Variants in TOM1 observed in about 807,000 individuals in gnomAD.
TOM1 encodes the protein target of myb1 membrane trafficking protein, also known as target of Myb protein 1.
TOM1 carries 38 observed loss-of-function variants against 61.3 expected under a neutral mutation model. That is an observed-to-expected ratio of 0.62 (90% CI 0.48 to 0.81). TOM1 has a LOEUF of 0.81. Ranked by LOEUF, TOM1 falls within the 40% of genes least tolerant of loss-of-function variation. The pLI is 0.00. For synonymous variants in TOM1, 270 were observed against 268.8 expected (o/e 1.00, Z -0.04); for missense variants, 591 against 659.6 (o/e 0.90, Z 1.14).
chr22:35,347,192 A>T lies in TOM1; in HGVS notation c.1462A>T (p.Met488Leu). The T allele has an allele frequency of 6.2e-7, 1 of 1,611,118 alleles. No individual in the cohort carries two copies. The highest frequency in any genetic ancestry group is 1.7e-5 in the Admixed American group (1 of 59,444). The change falls in exon 15 of 15, where the codon ATG becomes TTG. Residue 488 changes from methionine (M) to leucine (L), a missense_variant. By Grantham distance (15) the Met-to-Leu change is conservative (BLOSUM62 2). Transcript: ENST00000449058. ...RKKTQEKDDDMLFAL is the reference protein window; with the variant it reads ...RKKTQEKDDDLLFAL ...GAAGACCCAGGAGAAAGATGATGAC[A>T]TGCTGTTTGCCTTATGAGTGTGGGG...
chr22:35,323,199 G>A lies in TOM1; in HGVS notation c.366+22G>A, dbSNP rs779477487. ...CCAGGTGAGTGCCAGGACAGGGCAG[G>A]GCACGGCCAGGAAGAGCTGTCAGTG... is the stretch of plus-strand genomic sequence containing the variant. On this transcript the variant is annotated intron_variant, in intron 4 of 14. Transcript: ENST00000449058. The surrounding 1 kb of genome is among the most constrained non-coding windows in gnomAD (Gnocchi z 4.2). 5 of 1,611,484 alleles carry A rather than the reference G, an allele frequency of 3.1e-6. No homozygotes were observed. In the African/African-American group the frequency reaches 4.0e-5, roughly 13 times the overall value.
intron 1 of TOM1, among the ~76,000 whole-genome samples, chr22:35,307,545 C>A (rs1354150096): frequency 6.6e-6 from 1 of 152,174 alleles, no homozygotes; most frequent in Admixed American, 6.5e-5. Context: ...CCGGCTGTGT[C>A]CCCCAGGTCT....
chr22:35,321,180 T>C (rs1327877440), intron 2 of TOM1, among the ~76,000 whole-genome samples: 4 of 151,754 alleles, frequency 2.6e-5, no homozygotes, highest in Non-Finnish European at 5.9e-5. Context: ...CAAGACCCCA[T>C]CTCTATTTTT....
chr22:35,343,371 TCC>T (rs1930141045), intron 12 of TOM1, among the ~76,000 whole-genome samples: 2 of 54,678 alleles, frequency 3.7e-5, no homozygotes, highest in African/African-American at 7.4e-5. Flanking sequence ...ACCACACACC[TCC>T]ACACACACCT....
chr22:35,323,120 C>A lies in TOM1; in HGVS notation c.309C>A (p.Ile103=). 3.1e-6 allele frequency: 5 copies of A among 1,614,188 alleles called. No homozygotes were observed. Among genetic ancestry groups the A allele is most frequent in the Non-Finnish European group, 8.5e-7 (1 of 1,180,042 alleles). ...DFVESVLVRT[I]LPKNNPPTIV... ...TGGAGAGTGTGCTGGTGAGGACCAT[C>A]CTGCCCAAGAACAACCCACCCACCA... The change falls in exon 4 of 15, where the codon ATC becomes ATA. Residue 103 remains isoleucine (I), a synonymous_variant. Transcript: ENST00000449058. This position sits in a 1 kb window ranked among gnomAD's most constrained non-coding sequence, Gnocchi z 4.2.
At chr22:35,342,094 C>T (rs1223477464) in intron 12 of TOM1, among the ~76,000 whole-genome samples, 9 of 152,050 alleles carry the variant, frequency 5.9e-5, no homozygotes. Flanking sequence ...TGAGCTATGA[C>T]TGTACCACTG....
intron 12 of TOM1, among the ~76,000 whole-genome samples, chr22:35,343,316 A>C (rs1930116830): frequency 6.9e-6 from 1 of 144,708 alleles, no homozygotes; most frequent in African/African-American, 2.6e-5. Flanking sequence ...CTACACACCC[A>C]TACACCTACA....
In TOM1 at chr22:35,347,056, AT is replaced by A; in HGVS notation, c.1329del (p.Phe443LeufsTer110). The A allele has an allele frequency of 1.9e-6, 3 of 1,611,848 alleles. No individual in the cohort carries two copies. Among genetic ancestry groups the A allele is most frequent in the Non-Finnish European group, 2.5e-6 (3 of 1,178,796 alleles). On this transcript the variant is annotated frameshift_variant and splice_region_variant, in exon 15 of 15. Coordinates refer to ENST00000449058, the MANE Select transcript of TOM1 (RefSeq NM_005488.3). LOFTEE classifies it high-confidence loss of function. The part of the protein sequence containing the change: ...EEPKGVTSEE[F>X]DKFLEERAKA... ...CCTCACCCTCTCCCCTTCCTCTAGA[AT>A]TTGACAAATTCCTGGAAGAACGGGC...
At chr22:35,338,172 A>G (rs1304003039) in intron 11 of TOM1, among the ~76,000 whole-genome samples, 1 of 152,118 alleles carries the variant, frequency 6.6e-6, no homozygotes, top group Non-Finnish European at 1.5e-5. Flanking sequence ...GAGGACATTT[A>G]GAAGAGCTGT....
intron 1 of TOM1, among the ~76,000 whole-genome samples, chr22:35,302,236 G>T (rs1925863002): frequency 6.6e-6 from 1 of 151,584 alleles, no homozygotes; most frequent in South Asian, 2.1e-4. Context: ...GTTAAATAAT[G>T]TCGGGGCCCC....
rs1184335491 is a variant in TOM1 at position 35,323,642 on chromosome 22, G to A, written c.501+12G>A. On this transcript the variant is annotated intron_variant, in intron 5 of 14. Transcript: ENST00000449058. The surrounding 1 kb of genome is among the most constrained non-coding windows in gnomAD (Gnocchi z 4.2). The stretch of plus-strand genomic sequence containing the variant: ...ACACACCCCAGAGGGTGAGAGAACT[G>A]CCGTACCGGGAACCAAGGGAAGGGA... The A allele has an allele frequency of 6.2e-6, 10 of 1,614,020 alleles. No individual in the cohort carries two copies. The African/African-American group carries it at 1.3e-4, about 22-fold the overall frequency.
intron 6 of TOM1, among the ~76,000 whole-genome samples, chr22:35,324,136 C>T (rs1036850077): frequency 5.3e-5 from 8 of 152,240 alleles, no homozygotes; most frequent in Admixed American, 3.9e-4. Context: ...TCCAAGCTCA[C>T]GTCTGTCTGA....
At chr22:35,333,247 G>A (rs1928993346) in intron 9 of TOM1, 157 bp from the exon 10 acceptor site, 1 of 814,354 alleles carries the variant, frequency 1.2e-6, no homozygotes, top group Admixed American at 2.4e-5. Flanking sequence ...TTGAGCTGGA[G>A]CCAGAGGGGA....
intron 6 of TOM1, among the ~76,000 whole-genome samples, chr22:35,324,564 G>A (rs191212329): frequency 6.6e-6 from 1 of 151,874 alleles, no homozygotes; most frequent in Admixed American, 6.6e-5. Flanking sequence ...TTTTTTGTTT[G>A]TTCTGAAACA....
chr22:35,330,247 A>C, intron 7 of TOM1, 100 bp from the exon 8 acceptor site: 1 of 1,262,614 alleles, frequency 7.9e-7, no homozygotes, highest in Non-Finnish European at 1.1e-6. Context: ...GCACCACTGC[A>C]CTCCAGCCTG....
chr22:35,324,412 C>CAA (rs58401864), intron 6 of TOM1, among the ~76,000 whole-genome samples: 5,333 of 60,994 alleles, frequency 0.087, 341 homozygotes, highest in East Asian at 0.19. Flanking sequence ...AGACCTGTTT[C>CAA]AAAAAAAAAA....
At chr22:35,343,981 C>G (rs1240197378) in intron 12 of TOM1, among the ~76,000 whole-genome samples, 1 of 151,218 alleles carries the variant, frequency 6.6e-6, no homozygotes, top group Non-Finnish European at 1.5e-5. Context: ...CAACCTACAC[C>G]TACACATACA....
At chr22:35,332,593 C>T (rs1435075816) in intron 8 of TOM1, among the ~76,000 whole-genome samples, 1 of 86,828 alleles carries the variant, frequency 1.2e-5, no homozygotes, top group Non-Finnish European at 2.4e-5. Context: ...CTAACACACA[C>T]ACACACACAC....
intron 2 of TOM1, among the ~76,000 whole-genome samples, chr22:35,320,291 G>A (rs1374369378): frequency 1.3e-5 from 2 of 152,174 alleles, no homozygotes; most frequent in Non-Finnish European, 2.9e-5. Flanking sequence ...GGAGCCTTCA[G>A]GGTGCAAGTG....
Sources: allele counts gnomAD v4.1 joint callset (sites outside exome capture counted in the v4.1 genomes callset), GRCh38; gene constraint gnomAD v4.1.1; non-coding constraint Gnocchi (gnomAD v3.1); transcripts MANE v1.5; gene names NCBI Gene and HGNC (gene_info 2026-07-23, HGNC 2026-07-21).